Variants in VWA8 observed in about 807,000 individuals in gnomAD.
The protein encoded by VWA8 is von Willebrand factor A domain containing 8, also known as von Willebrand factor A domain-containing protein 8.
Under a neutral mutation model 241.5 loss-of-function variants are expected in VWA8, and 221 were observed. The observed-to-expected ratio is 0.91, with a 90% CI of 0.82 to 1.02. VWA8 has a LOEUF of 1.02. Among genes scored for constraint, VWA8 ranks in the 50% least tolerant of loss-of-function variants. The pLI, the probability that VWA8 is intolerant of heterozygous loss-of-function variation, is 0.00. For missense variants in VWA8, 2,322 were observed against 2,328.7 expected (o/e 1.00, Z 0.06); for synonymous variants, 852 against 827.1 (o/e 1.03, Z -0.52).
At chr13:41,698,374 T>C (rs980000277) in intron 29 of VWA8, among the ~76,000 whole-genome samples, 7 of 152,112 alleles carry the variant, frequency 4.6e-5, no homozygotes, top group Admixed American at 1.3e-4. Context: ...ACCTTTAGAA[T>C]GATCACTAAT....
intron 17 of VWA8, among the ~76,000 whole-genome samples, chr13:41,803,244 T>C (rs1254961831): frequency 2.0e-5 from 3 of 152,124 alleles, no homozygotes; most frequent in African/African-American, 7.2e-5. Flanking sequence ...CAATAAATAC[T>C]CAACTCTTCA....
chr13:41,618,492 G>T (rs941301985), intron 37 of VWA8, among the ~76,000 whole-genome samples: 4 of 152,150 alleles, frequency 2.6e-5, no homozygotes, highest in Non-Finnish European at 5.9e-5. Context: ...GATCCCATTT[G>T]TCTATTTTGG....
chr13:41,769,394 G>C (rs1221447420), intron 20 of VWA8, among the ~76,000 whole-genome samples: 3 of 152,170 alleles, frequency 2.0e-5, no homozygotes, highest in African/African-American at 7.2e-5. Context: ...AAAAAGTGTT[G>C]GGAGAATAGA....
chr13:41,662,012 C>T lies in VWA8; in HGVS notation c.4611+8934G>A, dbSNP rs574935675. On this transcript the variant is annotated intron_variant, in intron 37 of 44. Transcript: ENST00000379310. ...CTGTTTCATTGATTTAATTTTTTTG[C>T]GAACATTGCACTGTCTTGATTATTG... 3.6e-4 allele frequency among the ~76,000 whole-genome samples: 55 copies of T among 152,166 alleles called. No homozygotes were observed. The South Asian group carries it at 9.5e-3, about 26-fold the overall frequency.
At chr13:41,731,074 AT>A (rs2045479463) in intron 22 of VWA8, among the ~76,000 whole-genome samples, 1 of 151,330 alleles carries the variant, frequency 6.6e-6, no homozygotes, top group South Asian at 2.1e-4. Context: ...AAATTTTAGG[AT>A]TAAAAAAACT....
intron 9 of VWA8, among the ~76,000 whole-genome samples, chr13:41,881,558 C>A (rs1317420695): frequency 6.7e-6 from 1 of 149,268 alleles, no homozygotes; most frequent in African/African-American, 2.5e-5. Flanking sequence ...CATCATGGCC[C>A]GTTCTCAATG....
chr13:41,803,474 G>A (rs1325531333), intron 17 of VWA8, among the ~76,000 whole-genome samples: 1 of 152,164 alleles, frequency 6.6e-6, no homozygotes, highest in African/African-American at 2.4e-5. Flanking sequence ...GGGTGGGGAG[G>A]CCTCACAATC....
intron 21 of VWA8, among the ~76,000 whole-genome samples, chr13:41,743,498 A>G (rs1276294424): frequency 6.6e-6 from 1 of 152,186 alleles, no homozygotes. Context: ...CTTCGCTTAC[A>G]GATCAAATCT....
intron 9 of VWA8, among the ~76,000 whole-genome samples, chr13:41,869,054 C>A (rs1346080805): frequency 6.6e-6 from 1 of 151,956 alleles, no homozygotes; most frequent in Non-Finnish European, 1.5e-5. Flanking sequence ...TCACTGAATT[C>A]CTGACCTGGT....
chr13:41,947,215 A>T (rs1378219189), intron 2 of VWA8, among the ~76,000 whole-genome samples: 1 of 152,224 alleles, frequency 6.6e-6, no homozygotes, highest in Admixed American at 6.5e-5. Flanking sequence ...ACCCGGCTTT[A>T]ACACATATCA....
chr13:41,719,686 G>C lies in VWA8; in HGVS notation c.3021C>G (p.Ser1007=). 6.2e-7 allele frequency: 1 copy of C among 1,612,896 alleles called. No homozygotes were observed. The highest frequency in any genetic ancestry group is 8.5e-7 in the Non-Finnish European group (1 of 1,179,428). ...SVVRNVFDFD[S]YNNDMREILI... The stretch of plus-strand genomic sequence containing the variant: ...ATATCTCCCTCATGTCATTGTTGTA[G>C]GAATCAAAGTCAAACACATTTCGAA... The change falls in exon 26 of 45, where the codon TCC becomes TCG. Residue 1007 remains serine, a synonymous_variant. Coordinates refer to ENST00000379310, the MANE Select transcript of VWA8 (RefSeq NM_015058.2).
chr13:41,801,837 C>T (rs539669379), intron 17 of VWA8, among the ~76,000 whole-genome samples: 111 of 152,332 alleles, frequency 7.3e-4, no homozygotes, highest in African/African-American at 2.5e-3. Context: ...GTATTCAAAT[C>T]CCAAACCCAC....
chr13:41,929,985 AT>A (rs1403392334), intron 2 of VWA8, among the ~76,000 whole-genome samples: 4 of 152,260 alleles, frequency 2.6e-5, no homozygotes, highest in Non-Finnish European at 5.9e-5. Context: ...CAATCCATAT[AT>A]CTGGTGAGGG....
rs374731410 is a variant in VWA8, at chr13:41,611,620, G to A, written c.4833C>T (p.Val1611=). The change falls in exon 39 of 45, where the codon GTC becomes GTT. Residue 1611 remains valine, a synonymous_variant. Transcript: ENST00000379310. ...QAEKDAVPEE[V]KRAAREMGQR... ...GGCCCATCTCTCTAGCAGCTCTCTT[G>A]ACCTCTTCGGGAACTGCATCTTTCT... The A allele has an allele frequency of 1.1e-5, 17 of 1,613,994 alleles. No homozygotes were observed. Among genetic ancestry groups the A allele is most frequent in the African/African-American group, 5.3e-5 (4 of 74,926 alleles).
At chr13:41,686,583 T>C (rs1025649359) in intron 34 of VWA8, among the ~76,000 whole-genome samples, 4 of 152,130 alleles carry the variant, frequency 2.6e-5, no homozygotes, top group Non-Finnish European at 4.4e-5. Flanking sequence ...TTCACAAAAA[T>C]ATATCCAATT....
intron 37 of VWA8, among the ~76,000 whole-genome samples, chr13:41,628,514 G>T (rs1224727938): frequency 6.6e-6 from 1 of 152,100 alleles, no homozygotes; most frequent in Non-Finnish European, 1.5e-5. Flanking sequence ...CAATGGCAAA[G>T]ACATTAAATT....
rs1566037037 is a variant in VWA8 at position 41,912,176 on chromosome 13, GA to G, written c.242-9del. The G allele has an allele frequency of 1.9e-6, 3 of 1,568,394 alleles. No individual in the cohort carries two copies. The highest frequency in any genetic ancestry group is 1.8e-5 in the Admixed American group (1 of 54,672). ...GAGCCAGAGAGTCTGAAACTATAAA[GA>G]AAAAAGAGAAAATGAAGTGCAAATT... On this transcript the variant is annotated splice_polypyrimidine_tract_variant and intron_variant, in intron 2 of 44. Transcript: ENST00000379310.
chr13:41,772,356 C>G (rs754086256), intron 20 of VWA8, among the ~76,000 whole-genome samples: 1 of 152,084 alleles, frequency 6.6e-6, no homozygotes, highest in Non-Finnish European at 1.5e-5. Context: ...TATTCTTGAG[C>G]TACAGCTGGC....
intron 33 of VWA8, 51 bp downstream of exon 33, chr13:41,690,115 T>C: frequency 6.7e-7 from 1 of 1,502,530 alleles, no homozygotes; most frequent in East Asian, 2.3e-5. Context: ...AGACAGTATA[T>C]GTACAAGCAT....
Sources: gnomAD v4.1 joint callset for allele counts (sites outside exome capture counted in the v4.1 genomes callset) on GRCh38, gnomAD v4.1.1 for gene constraint, MANE v1.5 for transcripts, NCBI Gene and HGNC (gene_info 2026-07-23, HGNC 2026-07-21) for gene names.